The following EXT2 variants were observed in gnomAD, a reference collection of about 807,000 sequenced individuals.
EXT2 encodes exostosin glycosyltransferase 2.
EXT2 carries 53 observed loss-of-function variants against 81.6 expected under a neutral mutation model. The ratio of observed to expected loss-of-function variants is 0.65; its 90% CI spans 0.52 to 0.82. EXT2 has a LOEUF of 0.82. Among genes scored for constraint, EXT2 ranks in the 40% least tolerant of loss-of-function variants. The pLI is 0.00. For missense variants in EXT2, 774 were observed against 910.2 expected (o/e 0.85, Z 1.93); for synonymous variants, 320 against 340.0 (o/e 0.94, Z 0.65).
intron 7 of EXT2, among the ~76,000 whole-genome samples, chr11:44,133,994 G>A (rs1954530615): frequency 6.6e-6 from 1 of 152,220 alleles, no homozygotes; most frequent in Non-Finnish European, 1.5e-5. Flanking sequence ...CAAGGCTAGA[G>A]CCTAATGTAA....
In EXT2 at chr11:44,135,427, T is replaced by G. The variant is rs1049370242; in HGVS notation, c.1173+5289T>G. On this transcript the variant is annotated intron_variant, in intron 7 of 13. Transcript: ENST00000533608. ...TTTTTTTTGAGACAGAGGCTCGTTG[T>G]GTCACCCAGGCTGGAGTGCAGTGGT... Among the ~76,000 whole-genome samples, 3 of 148,520 alleles carry G rather than the reference T, an allele frequency of 2.0e-5. No individual in the cohort carries two copies. In the Admixed American group the frequency reaches 2.0e-4, roughly 10 times the overall value.
At chr11:44,210,663 T>C (rs760078160) in intron 10 of EXT2, among the ~76,000 whole-genome samples, 1 of 152,192 alleles carries the variant, frequency 6.6e-6, no homozygotes, top group Non-Finnish European at 1.5e-5. Flanking sequence ...TTATTGTATA[T>C]CAACTATATT....
intron 13 of EXT2, among the ~76,000 whole-genome samples, chr11:44,237,902 TA>T (rs374084527): frequency 0.084 from 4,756 of 56,328 alleles, 98 homozygotes; most frequent in East Asian, 0.12. Context: ...CGTCTCTACT[TA>T]AAAAAAAAAA....
chr11:44,218,631 A>G (rs1484255760), intron 10 of EXT2, among the ~76,000 whole-genome samples: 1 of 152,130 alleles, frequency 6.6e-6, no homozygotes, highest in East Asian at 1.9e-4. Flanking sequence ...AGACCAGCTT[A>G]CTCCATAGCT....
intron 4 of EXT2, among the ~76,000 whole-genome samples, chr11:44,119,559 G>A (rs192136478): frequency 3.3e-5 from 5 of 152,284 alleles, no homozygotes; most frequent in South Asian, 4.1e-4. Flanking sequence ...TGCCTGGCAC[G>A]TGCCAAACTT....
chr11:44,182,434 A>G (rs1955248623), intron 8 of EXT2, among the ~76,000 whole-genome samples: 1 of 151,968 alleles, frequency 6.6e-6, no homozygotes, highest in African/African-American at 2.4e-5. Context: ...TTGCTTTGCC[A>G]TGTAGGTTAT....
intron 7 of EXT2, among the ~76,000 whole-genome samples, chr11:44,153,971 C>A (rs1467325604): frequency 6.7e-6 from 1 of 149,034 alleles, no homozygotes; most frequent in Non-Finnish European, 1.5e-5. Flanking sequence ...AGATATTGGT[C>A]TGTAGTTTTC....
intron 1 of EXT2, among the ~76,000 whole-genome samples, chr11:44,106,066 A>G (rs1314170816): frequency 6.6e-6 from 1 of 152,186 alleles, no homozygotes; most frequent in Non-Finnish European, 1.5e-5. Context: ...GAAGAGTGCA[A>G]AGGCAGACTC....
At chr11:44,209,979 C>T (rs888899828) in intron 10 of EXT2, among the ~76,000 whole-genome samples, 4 of 152,188 alleles carry the variant, frequency 2.6e-5, no homozygotes, top group Non-Finnish European at 5.9e-5. Context: ...AATAAATCTC[C>T]CTTACCAACA....
chr11:44,246,080 G>A lies in EXT2; in HGVS notation c.*1793G>A, dbSNP rs1956091037. On this transcript the variant is annotated 3_prime_UTR_variant, in exon 14 of 14. Transcript: ENST00000533608. The stretch of plus-strand genomic sequence containing the variant: ...TGGTCTCATGTATTCATAATATTGG[G>A]GACGATATGGTAGAAAGCCAGGAAA... 6.6e-6 allele frequency among the ~76,000 whole-genome samples: 1 copy of A among 152,180 alleles called. No homozygotes were observed. The highest frequency in any genetic ancestry group is 2.4e-5 in the African/African-American group (1 of 41,442).
In EXT2 at chr11:44,234,257, C is replaced by T. The variant is rs753775341; in HGVS notation, c.1935+14C>T. 1 of 1,612,864 alleles carries T rather than the reference C, an allele frequency of 6.2e-7. No homozygotes were observed. The highest frequency in any genetic ancestry group is 8.5e-7 in the Non-Finnish European group (1 of 1,179,278). ...GCAGTTATCAAGGTAGGAGGCTCTG[C>T]CACTCACTTGCTTTGTGATCTTGGG... On this transcript the variant is annotated intron_variant, in intron 12 of 13. Transcript: ENST00000533608.
At chr11:44,137,607 C>T (rs1305948430) in intron 7 of EXT2, among the ~76,000 whole-genome samples, 9 of 151,748 alleles carry the variant, frequency 5.9e-5, no homozygotes, top group Non-Finnish European at 1.3e-4. Context: ...AGCTACTTTC[C>T]CTGGTAGCCT....
chr11:44,146,538 C>T (rs1222311854), intron 7 of EXT2, among the ~76,000 whole-genome samples: 1 of 152,206 alleles, frequency 6.6e-6, no homozygotes, highest in Non-Finnish European at 1.5e-5. Context: ...GGCGCTTTCA[C>T]TACCACCTCA....
chr11:44,238,707 T>C (rs548277008), intron 13 of EXT2, among the ~76,000 whole-genome samples: 17 of 152,320 alleles, frequency 1.1e-4, no homozygotes, highest in African/African-American at 3.8e-4. Flanking sequence ...AGGTGACACT[T>C]GAAGTGATCC....
At chr11:44,236,183 G>T (rs746594941) in intron 12 of EXT2, 110 bp from the exon 13 acceptor site, 171 of 906,304 alleles carry the variant, frequency 1.9e-4, no homozygotes, top group Non-Finnish European at 2.8e-4. Flanking sequence ...GTGTGCACGC[G>T]CATGCAACAT....
chr11:44,189,335 T>C (rs1046233885), intron 8 of EXT2, among the ~76,000 whole-genome samples: 43 of 152,250 alleles, frequency 2.8e-4, no homozygotes, highest in African/African-American at 1.0e-3. Flanking sequence ...GATTTGGCCT[T>C]CAGTGTTATT....
Position 44,098,830 on chromosome 11 carries a change from A to G in EXT2, c.-31+2978A>G, listed in dbSNP as rs995452140. Among the ~76,000 whole-genome samples, 3 of 152,134 alleles carry G rather than the reference A, an allele frequency of 2.0e-5. No homozygotes were observed. The East Asian group carries it at 5.8e-4, about 29-fold the overall frequency. The stretch of plus-strand genomic sequence containing the variant: ...TCAGAGTCTATGGAAATATCTAGCC[A>G]TTCCCCCTCCTCCTTTGGAAATTCC... On this transcript the variant is annotated intron_variant, in intron 1 of 13. Transcript: ENST00000533608.
chr11:44,125,768 T>C (rs932803312), intron 5 of EXT2, among the ~76,000 whole-genome samples: 5 of 152,128 alleles, frequency 3.3e-5, no homozygotes, highest in Non-Finnish European at 5.9e-5. Flanking sequence ...CTGGAATGTC[T>C]GGCTGGTAAC....
At position 44,114,255 on chromosome 11, in the gene EXT2, T is replaced by C. The variant is rs1954189069; in HGVS notation, c.697T>C (p.Tyr233His). 6.2e-7 allele frequency: 1 copy of C among 1,614,026 alleles called. No individual in the cohort carries two copies. Among genetic ancestry groups the C allele is most frequent in the Non-Finnish European group, 8.5e-7 (1 of 1,179,988 alleles). ...AGGCTACGATGTCAGCATTCCTGTC[T>C]ATAGTCCACTGTCAGCTGAGGTGGA... ...RQGYDVSIPV[Y>H]SPLSAEVDLP... Residue 233 changes from tyrosine to histidine, a missense_variant, in exon 4 of 14, where the codon TAT (tyrosine) becomes CAT (histidine). Around this residue, in one of 2 missense-constraint regions of EXT2, gnomAD observed 626 missense variants for 670.5 expected, o/e 0.93. Transcript: ENST00000533608.
Sources: allele counts gnomAD v4.1 joint callset (sites outside exome capture counted in the v4.1 genomes callset), GRCh38; gene constraint gnomAD v4.1.1; regional missense constraint gnomAD v4.1.1; transcripts MANE v1.5; gene names NCBI Gene and HGNC (gene_info 2026-07-23, HGNC 2026-07-21).